BCAT2: variants seen among roughly 807,000 people sequenced by gnomAD.
BCAT2 encodes branched-chain-amino-acid aminotransferase, mitochondrial.
BCAT2 carries 44 observed loss-of-function variants against 52.9 expected under a neutral mutation model. The ratio of observed to expected loss-of-function variants is 0.83; its 90% CI spans 0.65 to 1.07. The LOEUF is 1.07. BCAT2 is among the 50% of genes least tolerant of loss of function. BCAT2 has a pLI of 0.00. For synonymous variants in BCAT2, 215 were observed against 217.1 expected (o/e 0.99, Z 0.08); for missense variants, 478 against 521.8 (o/e 0.92, Z 0.82).
intron 1 of BCAT2, 101 bp downstream of exon 1, chr19:48,810,883 A>AGGAGCGGCGCCGAGTC: frequency 1.3e-6 from 2 of 1,546,452 alleles, no homozygotes; most frequent in Non-Finnish European, 8.7e-7. Context: ...CCAGGGCGGG[A>AGGAGCGGCGCCGAGTC]GGAGCGGCGC....
At position 48,795,373 on chromosome 19, in the gene BCAT2, G is replaced by A; in HGVS notation, c.*53C>T. The A allele has an allele frequency of 6.2e-7, 1 of 1,611,156 alleles. No homozygotes were observed. The highest frequency in any genetic ancestry group is 8.5e-7 in the Non-Finnish European group (1 of 1,177,942). On this transcript the variant is annotated 3_prime_UTR_variant, in exon 11 of 11. Transcript: ENST00000316273. ...GTGAGTCATTGGTAGGGAGGCGAGT[G>A]CTGGCGTGACGAGATGCTACGGGTC... is the stretch of plus-strand genomic sequence containing the variant.
Position 48,809,767 on chromosome 19 carries a change from T to TTA in BCAT2, c.24+1216_24+1217insTA, listed in dbSNP as rs1249089909. Among the ~76,000 whole-genome samples, 843 of 145,742 alleles carry TTA rather than the reference T, an allele frequency of 5.8e-3. 8 individuals carry two copies. The highest frequency in any genetic ancestry group is 0.02 in the African/African-American group (793 of 39,958). On this transcript the variant is annotated intron_variant, in intron 1 of 10. Coordinates refer to ENST00000316273, the MANE Select transcript of BCAT2 (RefSeq NM_001190.4). ...ATTTCCTATTCACCAGGTCTGAAATTAAAAAAAAAAAAAAAATCCCATTGT... is the reference window on the plus strand; with the variant it reads ...ATTTCCTATTCACCAGGTCTGAAATTTAAAAAAAAAAAAAAAAATCCCATTGT...
Position 48,800,176 on chromosome 19 carries a change from G to C in BCAT2, c.411+11C>G. The stretch of plus-strand genomic sequence containing the variant: ...CCCTCCTCCCCACCCCGGTGGACCG[G>C]GACCCCTCACCGGCAGGCACAGGCG... On this transcript the variant is annotated intron_variant, in intron 4 of 10. Coordinates refer to ENST00000316273, the MANE Select transcript of BCAT2 (RefSeq NM_001190.4). 2 of 1,613,054 alleles carry C rather than the reference G, an allele frequency of 1.2e-6. No individual in the cohort carries two copies. The highest frequency in any genetic ancestry group is 1.7e-6 in the Non-Finnish European group (2 of 1,179,520).
intron 3 of BCAT2, among the ~76,000 whole-genome samples, chr19:48,805,076 A>G (rs570271689): frequency 2.0e-5 from 3 of 152,248 alleles, no homozygotes; most frequent in African/African-American, 7.2e-5. Flanking sequence ...CATGCCACAG[A>G]ACTGTGCCCT....
chr19:48,803,937 TC>T (rs574734438), intron 3 of BCAT2, among the ~76,000 whole-genome samples: 44 of 152,092 alleles, frequency 2.9e-4, no homozygotes, highest in Non-Finnish European at 5.6e-4. Context: ...AGGCGGTGGA[TC>T]ATCTGAGGTC....
chr19:48,808,931 A>ACC (rs1249844476), intron 1 of BCAT2, among the ~76,000 whole-genome samples: 2 of 151,798 alleles, frequency 1.3e-5, no homozygotes, highest in Non-Finnish European at 2.9e-5. Context: ...AAAATTAGCC[A>ACC]GGTATGGTGG....
intron 1 of BCAT2, chr19:48,808,182 C>T (rs2034835958): frequency 5.1e-6 from 5 of 986,396 alleles, no homozygotes; most frequent in African/African-American, 1.7e-5. Context: ...AGCGTGGGTC[C>T]CCAGATTGCC....
At chr19:48,802,327 A>G (rs1034435902) in intron 3 of BCAT2, among the ~76,000 whole-genome samples, 12 of 152,026 alleles carry the variant, frequency 7.9e-5, no homozygotes, top group Admixed American at 2.0e-4. Flanking sequence ...ATGTGGCGAT[A>G]CGTATCAAGA....
At chr19:48,810,885 G>T (rs2034907535) in intron 1 of BCAT2, 99 bp downstream of exon 1, 5 of 1,547,884 alleles carry the variant, frequency 3.2e-6, no homozygotes, top group Non-Finnish European at 3.5e-6. Context: ...AGGGCGGGAG[G>T]AGCGGCGCCG....
rs766423502 is a variant in BCAT2 at position 48,796,999 on chromosome 19, G to A, written c.862C>T (p.Leu288=). 6.2e-7 allele frequency: 1 copy of A among 1,614,210 alleles called. No individual in the cohort carries two copies. The highest frequency in any genetic ancestry group is 1.1e-5 in the South Asian group (1 of 91,084). Residue 288 remains leucine (L), a synonymous_variant, in exon 8 of 11, where the codon CTG becomes TTG. Transcript: ENST00000316273. ...ACTCCAGGCAGGATAACACCATTCAGCGGGGGCGTCACCAGCTCCAGCACT... is the reference window on the plus strand; with the variant it reads ...ACTCCAGGCAGGATAACACCATTCAACGGGGGCGTCACCAGCTCCAGCACT... ...DGVLELVTPP[L]NGVILPGVVR... is the part of the protein sequence containing the mutation.
rs534395018 is a variant in BCAT2 at position 48,802,957 on chromosome 19, G to A, written c.301-2660C>T. Among the ~76,000 whole-genome samples the A allele has an allele frequency of 1.7e-4, 26 of 152,348 alleles. 1 individual carries two copies. Among genetic ancestry groups the A allele is most frequent in the Middle Eastern group, 3.4e-3 (1 of 294 alleles). On this transcript the variant is annotated intron_variant, in intron 3 of 10. Transcript: ENST00000316273. Reference sequence around the variant, plus strand: ...CATACCTGTAACCCCAGAACTGGGAGGCTAAGGTGGGAGAATTGCTTGAAG... The same window carrying A: ...CATACCTGTAACCCCAGAACTGGGAAGCTAAGGTGGGAGAATTGCTTGAAG...
chr19:48,796,056 A>G (rs1399355551), intron 10 of BCAT2: 1 of 412,140 alleles, frequency 2.4e-6, no homozygotes, highest in Non-Finnish European at 4.3e-6. Context: ...CCACCAGGGC[A>G]CCCGGGGCAG....
rs1482615200 is a variant in BCAT2, at chr19:48,795,169, G to A, written c.*257C>T. The A allele has an allele frequency of 5.3e-6, 3 of 569,786 alleles. No individual in the cohort carries two copies. The African/African-American group carries it at 5.7e-5, about 11-fold the overall frequency. The allele number at this position is 569,786 out of a possible 1,614,324, so 35.3% of individuals were successfully genotyped here. On this transcript the variant is annotated 3_prime_UTR_variant, in exon 11 of 11. Transcript: ENST00000316273. ...GAGAACGGAGAGATCCGGAATCGGGGCCAAGGTGTATCCTTGACCGCACGA... is the reference window on the plus strand; with the variant it reads ...GAGAACGGAGAGATCCGGAATCGGGACCAAGGTGTATCCTTGACCGCACGA...
At chr19:48,795,490 G>A (rs746060748) in intron 10 of BCAT2, 26 bp from the exon 11 acceptor site, 1 of 1,613,096 alleles carries the variant, frequency 6.2e-7, no homozygotes, top group Non-Finnish European at 8.5e-7. Flanking sequence ...GGCAGTGCGT[G>A]AGGTGGAAGC....
At chr19:48,810,736 C>CT (rs35945446) in intron 1 of BCAT2, 79,319 of 718,082 alleles carry the variant, frequency 0.11, 1,968 homozygotes, top group Non-Finnish European at 0.12. Context: ...CCATGTTTCC[C>CT]TTTTTTTTTT....
chr19:48,808,733 C>T (rs972780015), intron 1 of BCAT2, among the ~76,000 whole-genome samples: 2 of 151,608 alleles, frequency 1.3e-5, no homozygotes, highest in East Asian at 1.9e-4. Flanking sequence ...CCAGCCTGGG[C>T]GACAGAGCAA....
rs2034802055 is a variant in BCAT2, at chr19:48,807,043, C to T, written c.56G>A (p.Trp19Ter). The T allele has an allele frequency of 1.9e-6, 3 of 1,613,864 alleles. No individual in the cohort carries two copies. In the South Asian group the frequency reaches 3.3e-5, roughly 18 times the overall value. Residue 19 changes from tryptophan (W) to a stop codon, truncating the protein, a stop_gained, in exon 2 of 11, where the codon TGG becomes TAG. Coordinates refer to ENST00000316273, the MANE Select transcript of BCAT2 (RefSeq NM_001190.4). LOFTEE classifies it high-confidence loss of function. The surrounding 1 kb of genome is among the most constrained non-coding windows in gnomAD (Gnocchi z 4.6). Reference protein sequence around the residue: ...IWARKLLSVPWLLCGPRRYAS... With the variant: ...IWARKLLSVP The stretch of plus-strand genomic sequence containing the variant: ...ATATCTTCTGGGACCACACAGAAGC[C>T]AAGGGACAGAGAGAAGCTTTCGTGC...
At chr19:48,803,882 G>T (rs1048564916) in intron 3 of BCAT2, among the ~76,000 whole-genome samples, 1 of 151,186 alleles carries the variant, frequency 6.6e-6, no homozygotes, top group African/African-American at 2.4e-5. Flanking sequence ...GTTGGAGGCT[G>T]GGCGCCGTGG....
intron 3 of BCAT2, among the ~76,000 whole-genome samples, chr19:48,804,669 G>A (rs747283226): frequency 1.3e-5 from 2 of 152,106 alleles, no homozygotes; most frequent in Non-Finnish European, 2.9e-5. Context: ...TCCCCCTTCC[G>A]CCCCCTGGAC....
Sources: gnomAD v4.1 joint callset for allele counts (sites outside exome capture counted in the v4.1 genomes callset) on GRCh38, gnomAD v4.1.1 for gene constraint, Gnocchi (gnomAD v3.1) non-coding constraint, MANE v1.5 for transcripts, NCBI Gene and HGNC (gene_info 2026-07-23, HGNC 2026-07-21) for gene names.